C9orf72: variants seen among roughly 807,000 people sequenced by gnomAD.
C9orf72 encodes the protein guanine nucleotide exchange factor C9orf72.
C9orf72 carries 44 observed loss-of-function variants against 51.6 expected under a neutral mutation model. The observed-to-expected ratio is 0.85, with a 90% CI of 0.67 to 1.10. The LOEUF is 1.10. Among genes scored for constraint, C9orf72 ranks in the 50% least tolerant of loss-of-function variants. C9orf72 has a pLI of 0.00. For missense variants in C9orf72, 607 were observed against 570.6 expected, an observed-to-expected ratio of 1.06 and a Z score of -0.65; for synonymous variants, 213 against 194.2, an observed-to-expected ratio of 1.10 and a Z score of -0.81.
intron 3 of C9orf72, among the ~76,000 whole-genome samples, chr9:27,565,269 C>A (rs1819439814): frequency 6.6e-6 from 1 of 151,682 alleles, no homozygotes; most frequent in Non-Finnish European, 1.5e-5. Context: ...AACAAGTTAT[C>A]CAAAATTTAT....
chr9:27,552,258 A>C (rs996157095), intron 8 of C9orf72, among the ~76,000 whole-genome samples: 3 of 152,100 alleles, frequency 2.0e-5, no homozygotes, highest in African/African-American at 7.2e-5. Flanking sequence ...GCTTTTGCCC[A>C]TTTGGTAAGA....
intron 3 of C9orf72, among the ~76,000 whole-genome samples, chr9:27,565,043 T>C (rs1355282581): frequency 6.6e-6 from 1 of 152,150 alleles, no homozygotes; most frequent in Non-Finnish European, 1.5e-5. Context: ...CAAATTTTAA[T>C]ACTAAAATAG....
intron 1 of C9orf72, among the ~76,000 whole-genome samples, chr9:27,569,349 T>A (rs1819537927): frequency 6.6e-6 from 1 of 152,220 alleles, no homozygotes; most frequent in Non-Finnish European, 1.5e-5. Flanking sequence ...AATTCACCAC[T>A]CACTCACTGA....
chr9:27,550,041 G>A (rs998091121), intron 9 of C9orf72, among the ~76,000 whole-genome samples: 3 of 149,944 alleles, frequency 2.0e-5, no homozygotes, highest in African/African-American at 7.3e-5. Flanking sequence ...CTATCATAGA[G>A]TATATGTTAT....
chr9:27,555,949 G>A (rs1356940363), intron 8 of C9orf72, among the ~76,000 whole-genome samples: 1 of 150,860 alleles, frequency 6.6e-6, no homozygotes. Context: ...TAGGGTTTTA[G>A]GATTATAGAT....
chr9:27,558,515 C>A lies in C9orf72; in HGVS notation c.831G>T (p.Gly277=). The change falls in exon 7 of 11, where the codon GGG becomes GGT. Residue 277 remains glycine, a synonymous_variant. Coordinates refer to ENST00000380003, the MANE Select transcript of C9orf72 (RefSeq NM_018325.5). ...EAESSFKYES[G]LFVQGLLKDS... is the part of the protein sequence containing the mutation. ...CCTTTAGCAGGCCTTGTACAAAGAG[C>A]CCTGACTCATATTTAAATGATGATT... 6.3e-7 allele frequency: 1 copy of A among 1,599,336 alleles called. No homozygotes were observed. The highest frequency in any genetic ancestry group is 8.5e-7 in the Non-Finnish European group (1 of 1,170,868).
Position 27,560,107 on chromosome 9 carries a change from T to C in C9orf72, c.738+120A>G, listed in dbSNP as rs147898406. The C allele has an allele frequency of 8.8e-4, 482 of 547,248 alleles. 9 individuals carry two copies. In the East Asian group the frequency reaches 0.016, roughly 18 times the overall value. 33.9% of individuals were successfully genotyped at this position (547,248 alleles called of 1,614,324 possible). ...AGGTGTCTTAGCAATTTGATGAGAT[T>C]ACATTGCCTCCTTATACTACTAGAT... On this transcript the variant is annotated intron_variant, in intron 6 of 10. Coordinates refer to ENST00000380003, the MANE Select transcript of C9orf72 (RefSeq NM_018325.5).
chr9:27,547,987 T>C lies in C9orf72; in HGVS notation c.*249A>G, dbSNP rs1299361061. 2 of 281,502 alleles carry C rather than the reference T, an allele frequency of 7.1e-6. No individual in the cohort carries two copies. The highest frequency in any genetic ancestry group is 1.5e-4 in the South Asian group (1 of 6,458). The allele number at this position is 281,502 out of a possible 1,614,324, so 17.4% of individuals were successfully genotyped here. ...TTATTATATCTTTAAAAGATAGCAA[T>C]AATATTTATTATATTGTAAACATAG... On this transcript the variant is annotated 3_prime_UTR_variant, in exon 11 of 11. Coordinates refer to ENST00000380003, the MANE Select transcript of C9orf72 (RefSeq NM_018325.5).
At chr9:27,560,830 A>G in intron 5 of C9orf72, 1 of 897,318 alleles carries the variant, frequency 1.1e-6, no homozygotes, top group Non-Finnish European at 1.3e-6. Context: ...ATTTCATGAA[A>G]ATCTGTAACT....
chr9:27,557,513 C>A (rs1819232037), intron 7 of C9orf72, among the ~76,000 whole-genome samples: 1 of 151,998 alleles, frequency 6.6e-6, no homozygotes, highest in Non-Finnish European at 1.5e-5. Context: ...GCATGGAGAA[C>A]TATTAAATAT....
intron 1 of C9orf72, among the ~76,000 whole-genome samples, chr9:27,572,447 CAT>C (rs1204922725): frequency 6.7e-6 from 1 of 149,526 alleles, no homozygotes; most frequent in East Asian, 1.9e-4. Context: ...TGAGAAAAAT[CAT>C]ATCTTAACAG....
rs941000025 is a variant in C9orf72, at chr9:27,561,730, G to T, written c.601-81C>A. The T allele has an allele frequency of 1.5e-5, 13 of 881,670 alleles. No individual in the cohort carries two copies. In the South Asian group the frequency reaches 1.9e-4, roughly 13 times the overall value. 54.6% of individuals were successfully genotyped at this position (881,670 alleles called of 1,614,324 possible). A position where few individuals can be genotyped will look rare whatever the true frequency, so the allele number is the denominator to read the frequency against. On this transcript the variant is annotated intron_variant, in intron 4 of 10. Transcript: ENST00000380003. ...AACACTTTTAATATACAAGTTTTCG[G>T]AAGTCTGGATTCAATATAACACACT... is the stretch of plus-strand genomic sequence containing the variant.
intron 3 of C9orf72, among the ~76,000 whole-genome samples, chr9:27,564,616 A>G (rs959017072): frequency 6.6e-6 from 1 of 152,150 alleles, no homozygotes; most frequent in African/African-American, 2.4e-5. Context: ...AAGTACAAAC[A>G]TAACAATTTG....
In C9orf72 at chr9:27,548,086, G is replaced by A. The variant is rs1820806768; in HGVS notation, c.*150C>T. The A allele has an allele frequency of 2.0e-6, 1 of 490,798 alleles. No individual in the cohort carries two copies. Among genetic ancestry groups the A allele is most frequent in the East Asian group, 3.2e-5 (1 of 31,028 alleles). 30.4% of individuals were successfully genotyped at this position (490,798 alleles called of 1,614,324 possible). A position where few individuals can be genotyped will look rare whatever the true frequency, so the allele number is the denominator to read the frequency against. On this transcript the variant is annotated 3_prime_UTR_variant, in exon 11 of 11. Coordinates refer to ENST00000380003, the MANE Select transcript of C9orf72 (RefSeq NM_018325.5). ...TGATGCACCTGACATCCCCTCACAG[G>A]CTCTTGTGAGAACTGTAGTGTAACT...
intron 1 of C9orf72, among the ~76,000 whole-genome samples, chr9:27,570,618 C>T (rs1239737468): frequency 6.6e-6 from 1 of 152,030 alleles, no homozygotes; most frequent in Non-Finnish European, 1.5e-5. Flanking sequence ...GTTATCCCAG[C>T]TCTTTGGTAG....
Position 27,565,546 on chromosome 9 carries a change from C to T in C9orf72, c.489G>A (p.Glu163=), listed in dbSNP as rs771563218. The T allele has an allele frequency of 4.4e-6, 7 of 1,605,960 alleles. No individual in the cohort carries two copies. The highest frequency in any genetic ancestry group is 2.2e-5 in the South Asian group (2 of 90,820). ...TTGCATATACCTGATCTTCCATTCTCTCTGTGCCTTCTAAGATAATCTTCT... is the reference window on the plus strand; with the variant it reads ...TTGCATATACCTGATCTTCCATTCTTTCTGTGCCTTCTAAGATAATCTTCT... ...NVQKIILEGT[E]RMEDQGQSII... Residue 163 remains glutamate (E), a synonymous_variant, in exon 3 of 11, where the codon GAG becomes GAA. Transcript: ENST00000380003.
intron 1 of C9orf72, among the ~76,000 whole-genome samples, chr9:27,573,193 C>A (rs1234447418): frequency 6.6e-6 from 1 of 151,958 alleles, no homozygotes; most frequent in Non-Finnish European, 1.5e-5. Context: ...GGCCAGATCC[C>A]CATCCCTTGT....
intron 7 of C9orf72, 143 bp downstream of exon 7, chr9:27,558,348 T>C: frequency 1.6e-6 from 1 of 622,786 alleles, no homozygotes; most frequent in Non-Finnish European, 2.8e-6. Flanking sequence ...ATATAGTCTA[T>C]GTGCAGAACT....
chr9:27,567,274 G>A lies in C9orf72; in HGVS notation c.-44-110C>T, dbSNP rs1819491602. The stretch of plus-strand genomic sequence containing the variant: ...GTTTGTCCTCTTAAGTCAAAGATGT[G>A]GAATCCTGTTATCTCCTATCAGGAT... On this transcript the variant is annotated intron_variant, in intron 1 of 10. Transcript: ENST00000380003. 6.3e-6 allele frequency: 4 copies of A among 638,872 alleles called. No individual in the cohort carries two copies. The African/African-American group carries it at 7.3e-5, about 12-fold the overall frequency. The allele number at this position is 638,872 out of a possible 1,614,324, so 39.6% of individuals were successfully genotyped here.
Sources: allele counts gnomAD v4.1 joint callset (sites outside exome capture counted in the v4.1 genomes callset), GRCh38; gene constraint gnomAD v4.1.1; transcripts MANE v1.5; gene names NCBI Gene and HGNC (gene_info 2026-07-23, HGNC 2026-07-21).